The following XIRP2 variants were observed in gnomAD, a reference collection of about 807,000 sequenced individuals.
XIRP2 encodes the protein xin actin binding repeat containing 2.
Under a neutral mutation model 277.0 loss-of-function variants are expected in XIRP2, and 236 were observed. That is an observed-to-expected ratio of 0.85 (90% confidence interval 0.77 to 0.95). The LOEUF is 0.95. Among genes scored for constraint, XIRP2 ranks in the 40% least tolerant of loss-of-function variants. The pLI is 0.00. For missense variants in XIRP2, 4,640 were observed against 4,157.5 expected (o/e 1.12, Z -3.19); for synonymous variants, 1,490 against 1,416.5 (o/e 1.05, Z -1.17).
At chr2:167,136,537 AAG>A (rs945824343) in intron 3 of XIRP2, among the ~76,000 whole-genome samples, 4 of 152,228 alleles carry the variant, frequency 2.6e-5, no homozygotes, top group African/African-American at 9.6e-5. Context: ...AAAGTGACAT[AAG>A]AGTGTTACAT....
At chr2:166,980,999 G>A (rs1686852518) in intron 2 of XIRP2, among the ~76,000 whole-genome samples, 1 of 152,100 alleles carries the variant, frequency 6.6e-6, no homozygotes, top group Non-Finnish European at 1.5e-5. Context: ...ACAATTTCAT[G>A]TAAAATATAT....
chr2:166,978,235 A>AT (rs528364473), intron 2 of XIRP2, among the ~76,000 whole-genome samples: 1 of 152,086 alleles, frequency 6.6e-6, no homozygotes, highest in Non-Finnish European at 1.5e-5. Context: ...TCACTAATCT[A>AT]TTTTTTAATA....
intron 2 of XIRP2, among the ~76,000 whole-genome samples, chr2:166,959,454 G>C (rs929642432): frequency 6.6e-6 from 1 of 151,768 alleles, no homozygotes; most frequent in Non-Finnish European, 1.5e-5. Flanking sequence ...CTCAGAAGCC[G>C]TGTACTTACA....
intron 2 of XIRP2, among the ~76,000 whole-genome samples, chr2:166,925,947 G>T (rs928286609): frequency 2.6e-5 from 4 of 151,762 alleles, no homozygotes; most frequent in African/African-American, 4.8e-5. Flanking sequence ...AGTAGGGTGT[G>T]CTTGTAGTCC....
chr2:167,153,528 A>C (rs1692084242), intron 3 of XIRP2, among the ~76,000 whole-genome samples: 1 of 152,018 alleles, frequency 6.6e-6, no homozygotes, highest in South Asian at 2.1e-4. Context: ...ATTTAGCATT[A>C]GGTATATCTC....
intron 2 of XIRP2, among the ~76,000 whole-genome samples, chr2:167,086,830 AG>A (rs1220870270): frequency 1.3e-5 from 2 of 150,558 alleles, no homozygotes; most frequent in Non-Finnish European, 3.0e-5. Flanking sequence ...TGGTTATTCT[AG>A]TTATACATTC....
At chr2:167,110,930 G>T (rs564981773) in intron 2 of XIRP2, among the ~76,000 whole-genome samples, 5 of 151,926 alleles carry the variant, frequency 3.3e-5, no homozygotes, top group Non-Finnish European at 7.4e-5. Context: ...TCTTCTTGTG[G>T]CAACTGTGAA....
rs559990258 is a variant in XIRP2, at chr2:166,921,304, G to A, written c.408+17414G>A. ...AATTGCCAAACTGTTGTCCAAAGTCGTTGTACTCTTTTTCATTCCCCCCAG... is the reference window on the plus strand; with the variant it reads ...AATTGCCAAACTGTTGTCCAAAGTCATTGTACTCTTTTTCATTCCCCCCAG... On this transcript the variant is annotated intron_variant, in intron 2 of 10. Coordinates refer to ENST00000409195, the MANE Select transcript of XIRP2 (RefSeq NM_152381.6). Among the ~76,000 whole-genome samples, 21 of 152,156 alleles carry A rather than the reference G, an allele frequency of 1.4e-4. No homozygotes were observed. The East Asian group carries it at 2.7e-3, about 20-fold the overall frequency.
chr2:167,175,180 G>T (rs908739126), intron 3 of XIRP2, among the ~76,000 whole-genome samples: 1 of 152,022 alleles, frequency 6.6e-6, no homozygotes, highest in African/African-American at 2.4e-5. Context: ...TGACAGTGGG[G>T]TGCTAAATTC....
At chr2:167,193,190 G>C (rs1437928773) in intron 3 of XIRP2, among the ~76,000 whole-genome samples, 1 of 152,130 alleles carries the variant, frequency 6.6e-6, no homozygotes, top group Non-Finnish European at 1.5e-5. Flanking sequence ...TATAGCAGTT[G>C]TCAACTCTAA....
At chr2:167,144,481 G>A (rs1292989771) in intron 3 of XIRP2, among the ~76,000 whole-genome samples, 1 of 151,386 alleles carries the variant, frequency 6.6e-6, no homozygotes, top group African/African-American at 2.4e-5. Context: ...ATTTTTTGAA[G>A]ATCATCTTTA....
chr2:166,895,495 T>C (rs1684219237), intron 1 of XIRP2, among the ~76,000 whole-genome samples: 1 of 152,160 alleles, frequency 6.6e-6, no homozygotes, highest in Non-Finnish European at 1.5e-5. Context: ...AACAGGTCTC[T>C]GGATCCATGA....
intron 2 of XIRP2, among the ~76,000 whole-genome samples, chr2:167,038,734 A>G (rs1335667359): frequency 2.0e-5 from 3 of 152,188 alleles, no homozygotes; most frequent in South Asian, 2.1e-4. Flanking sequence ...TGACTTAAAG[A>G]TAACTGTTAG....
At chr2:166,898,906 A>G (rs952332412) in intron 1 of XIRP2, among the ~76,000 whole-genome samples, 1 of 152,132 alleles carries the variant, frequency 6.6e-6, no homozygotes, top group African/African-American at 2.4e-5. Context: ...GGCTTTTTTC[A>G]CTTAGAATAG....
chr2:167,076,367 A>T (rs1375390314), intron 2 of XIRP2, among the ~76,000 whole-genome samples: 1 of 152,222 alleles, frequency 6.6e-6, no homozygotes, highest in African/African-American at 2.4e-5. Context: ...AGGTAAAACA[A>T]CACCATGGAG....
At chr2:167,112,684 C>A (rs904821361) in intron 2 of XIRP2, among the ~76,000 whole-genome samples, 1 of 151,510 alleles carries the variant, frequency 6.6e-6, no homozygotes, top group African/African-American at 2.4e-5. Context: ...CAGAGTTTCA[C>A]TCTGTTGCCC....
chr2:167,221,424 C>T (rs1008323446), intron 5 of XIRP2, among the ~76,000 whole-genome samples: 3 of 133,834 alleles, frequency 2.2e-5, no homozygotes, highest in African/African-American at 8.6e-5. Flanking sequence ...GGTGCCATTG[C>T]ACTCCAGCCT....
intron 2 of XIRP2, among the ~76,000 whole-genome samples, chr2:167,074,875 C>A (rs891384): frequency 0.29 from 44,107 of 151,964 alleles, 8,580 homozygotes; most frequent in African/African-American, 0.55. Flanking sequence ...TCCACCTACC[C>A]TGGCCTCTCA....
At chr2:167,059,809 G>A (rs1302284164) in intron 2 of XIRP2, among the ~76,000 whole-genome samples, 1 of 152,160 alleles carries the variant, frequency 6.6e-6, no homozygotes, top group East Asian at 1.9e-4. Context: ...TGGTCTTGGC[G>A]GTGTGCCTTG....
Sources: gnomAD v4.1 joint callset for allele counts (sites outside exome capture counted in the v4.1 genomes callset) on GRCh38, gnomAD v4.1.1 for gene constraint, MANE v1.5 for transcripts, NCBI Gene and HGNC (gene_info 2026-07-23, HGNC 2026-07-21) for gene names.